ZNF518A: variants seen among roughly 807,000 people sequenced by gnomAD.
ZNF518A encodes the protein zinc finger protein 518A.
A neutral mutation model predicts 102.7 loss-of-function variants in ZNF518A; 47 were observed. That is an observed-to-expected ratio of 0.46 (90% confidence interval 0.36 to 0.58). The LOEUF (loss-of-function observed/expected upper bound fraction) is 0.58. Among genes scored for constraint, ZNF518A ranks in the 20% least tolerant of loss-of-function variants. ZNF518A has a pLI of 0.00. For missense variants in ZNF518A, 1,793 were observed against 1,699.8 expected, an observed-to-expected ratio of 1.05 and a Z score of -0.96; for synonymous variants, 652 against 594.6, an observed-to-expected ratio of 1.10 and a Z score of -1.40.
upstream of ZNF518A, chr10:96,129,960 C>T (rs2081236226): frequency 6.5e-6 from 1 of 152,724 alleles, no homozygotes; most frequent in Non-Finnish European, 1.5e-5. Context: ...AGCGCGGACC[C>T]TGCCGGCCTC....
chr10:96,150,434 C>T (rs2082379902), intron 3 of ZNF518A, among the ~76,000 whole-genome samples: 1 of 149,832 alleles, frequency 6.7e-6, no homozygotes, highest in African/African-American at 2.4e-5. Flanking sequence ...GATAGCATTT[C>T]ATTTTTATCT....
chr10:96,138,833 T>C (rs2081754969), intron 3 of ZNF518A, among the ~76,000 whole-genome samples: 1 of 152,082 alleles, frequency 6.6e-6, no homozygotes, highest in Non-Finnish European at 1.5e-5. Flanking sequence ...GCAACTTATA[T>C]TCCGGTGGTA....
At position 96,156,232 on chromosome 10, in the gene ZNF518A, A is replaced by T; in HGVS notation, c.-91A>T. The T allele has an allele frequency of 1.6e-6, 2 of 1,220,166 alleles. No homozygotes were observed. The highest frequency in any genetic ancestry group is 2.1e-5 in the South Asian group (1 of 46,822). 75.6% of individuals were successfully genotyped at this position (1,220,166 alleles called of 1,614,324 possible). A position where few individuals can be genotyped will look rare whatever the true frequency, so the allele number is the denominator to read the frequency against. ...GTGGGAAAAATCCTGTATATTGAAG[A>T]TGTCTCTACACAGTATCGTTTCCTG... On this transcript the variant is annotated 5_prime_UTR_variant, in exon 6 of 6. An upstream start codon of the reference 5' UTR is lost. Coordinates refer to ENST00000316045, the MANE Select transcript of ZNF518A (RefSeq NM_001330736.2).
chr10:96,142,266 G>A (rs782597643), intron 3 of ZNF518A, among the ~76,000 whole-genome samples: 6 of 151,316 alleles, frequency 4.0e-5, no homozygotes, highest in African/African-American at 1.2e-4. Context: ...TATTTTGAGG[G>A]CACTAAAATA....
chr10:96,160,085 T>A lies in ZNF518A; in HGVS notation c.3763T>A (p.Phe1255Ile), dbSNP rs1419981138. ...FNRKKTSKKI[F>I]SKTKTHGSKD... is the part of the protein sequence containing the mutation. ...TAGAAAAAAGACTTCCAAAAAAATT[T>A]TTTCAAAAACAAAAACTCATGGAAG... Residue 1255 changes from phenylalanine (F) to isoleucine (I), a missense_variant, in exon 6 of 6, where the codon TTT becomes ATT. Transcript: ENST00000316045. The A allele has an allele frequency of 1.9e-6, 3 of 1,608,206 alleles. No individual in the cohort carries two copies. Among genetic ancestry groups the A allele is most frequent in the Non-Finnish European group, 2.5e-6 (3 of 1,178,596 alleles).
downstream of ZNF518A, among the ~76,000 whole-genome samples, chr10:96,165,396 C>A (rs2083123481): frequency 6.6e-6 from 1 of 150,490 alleles, no homozygotes; most frequent in South Asian, 2.1e-4. Context: ...CATGAGCCAC[C>A]ATGCCCAGCC....
intron 3 of ZNF518A, among the ~76,000 whole-genome samples, chr10:96,142,942 G>A (rs1403601703): frequency 1.3e-5 from 2 of 151,982 alleles, no homozygotes; most frequent in Non-Finnish European, 2.9e-5. Flanking sequence ...GAGTAGCTGG[G>A]ATTACAGGCA....
intron 1 of ZNF518A, among the ~76,000 whole-genome samples, chr10:96,193,538 G>C (rs1391829398): frequency 2.0e-5 from 3 of 152,164 alleles, no homozygotes; most frequent in African/African-American, 7.2e-5. Flanking sequence ...ATTTGAAGTA[G>C]GGAATGAAGT....
chr10:96,160,628 A>G lies in ZNF518A; in HGVS notation c.4306A>G (p.Ile1436Val). The G allele has an allele frequency of 6.2e-7, 1 of 1,613,126 alleles. No homozygotes were observed. Residue 1436 changes from isoleucine to valine, a missense_variant, in exon 6 of 6, where the codon ATT becomes GTT. Physicochemically the swap from Ile to Val is conservative, Grantham distance 29 (BLOSUM62 3). Coordinates refer to ENST00000316045, the MANE Select transcript of ZNF518A (RefSeq NM_001330736.2). ...LKKTSKNNYQ[I>V]VKTTSENILK... ...AAAGACAAGCAAAAACAATTACCAG[A>G]TTGTGAAGACTACCTCTGAAAATAT...
In ZNF518A at chr10:96,158,462, T is replaced by C. The variant is rs71482397; in HGVS notation, c.2140T>C (p.Ser714Pro). The part of the protein sequence containing the change: ...NDKDGTLKAK[S>P]EIEEQYVLEK... ...TAAAGATGGAACTTTAAAAGCAAAA[T>C]CTGAAATTGAAGAACAGTATGTTTT... is the stretch of plus-strand genomic sequence containing the variant. Residue 714 changes from serine (S) to proline (P), a missense_variant, in exon 6 of 6, where the codon TCT (serine) becomes CCT (proline). Ser to Pro is a moderately conservative substitution (Grantham distance 74). Around this residue, in one of 3 missense-constraint regions of ZNF518A, gnomAD observed 1,741 missense variants for 1,622.6 expected, o/e 1.07. Transcript: ENST00000316045. 6.2e-3 allele frequency: 10,070 copies of C among 1,612,550 alleles called. 48 individuals carry two copies. The highest frequency in any genetic ancestry group is 7.4e-3 in the Non-Finnish European group (8,752 of 1,179,502).
rs1042169581 is a variant in ZNF518A at position 96,159,335 on chromosome 10, A to C, written c.3013A>C (p.Thr1005Pro). 6.2e-7 allele frequency: 1 copy of C among 1,613,588 alleles called. No homozygotes were observed. The highest frequency in any genetic ancestry group is 1.3e-5 in the African/African-American group (1 of 74,918). Residue 1005 changes from threonine to proline, a missense_variant, in exon 6 of 6, where the codon ACT (threonine) becomes CCT (proline). Coordinates refer to ENST00000316045, the MANE Select transcript of ZNF518A (RefSeq NM_001330736.2). ...GGGTGCCCCAGCTCGTGGAACTGTG[A>C]CTAAGGAGCCTTGCAAAACACCTAT... ...TEGAPARGTV[T>P]KEPCKTPILK...
downstream of ZNF518A, among the ~76,000 whole-genome samples, chr10:96,166,847 C>T (rs150235198): frequency 9.0e-4 from 137 of 152,324 alleles, no homozygotes; most frequent in African/African-American, 3.0e-3. Flanking sequence ...ACTGTGCATG[C>T]TGAAGGCTGC....
At position 96,157,139 on chromosome 10, in the gene ZNF518A, A is replaced by G; in HGVS notation, c.817A>G (p.Arg273Gly). Residue 273 changes from arginine to glycine, a missense_variant, in exon 6 of 6, where the codon AGG becomes GGG. Transcript: ENST00000316045. The stretch of plus-strand genomic sequence containing the variant: ...TCAATATTGTAGCTATGGTGCCACC[A>G]GGAGAGAACACCTTGTAAGACATGT... ...TCQYCSYGAT[R>G]REHLVRHVIT... The G allele has an allele frequency of 6.2e-7, 1 of 1,613,800 alleles. No homozygotes were observed. The highest frequency in any genetic ancestry group is 8.5e-7 in the Non-Finnish European group (1 of 1,179,770).
chr10:96,167,516 T>C (rs587754327), downstream of ZNF518A, among the ~76,000 whole-genome samples: 9 of 152,306 alleles, frequency 5.9e-5, no homozygotes, highest in African/African-American at 2.2e-4. Flanking sequence ...GAAAGTATTC[T>C]AATGTCTCAC....
chr10:96,131,696 G>A (rs2142204399), intron 1 of ZNF518A, among the ~76,000 whole-genome samples: 1 of 152,314 alleles, frequency 6.6e-6, no homozygotes, highest in Admixed American at 6.5e-5. Flanking sequence ...AAGGACAAAA[G>A]ACAGTAACCA....
rs1554883538 is a variant in ZNF518A, at chr10:96,157,524, G to T, written c.1202G>T (p.Gly401Val). The T allele has an allele frequency of 6.2e-7, 1 of 1,613,862 alleles. No individual in the cohort carries two copies. Among genetic ancestry groups the T allele is most frequent in the South Asian group, 1.1e-5 (1 of 91,074 alleles). ...EKPTPLSTGQ[G>V]NRAEEGPNAS... is the part of the protein sequence containing the mutation. Reference sequence around the variant, plus strand: ...CCAACTCCTCTGTCCACTGGGCAAGGTAATAGAGCTGAAGAGGGACCAAAC... The same window carrying T: ...CCAACTCCTCTGTCCACTGGGCAAGTTAATAGAGCTGAAGAGGGACCAAAC... Residue 401 changes from glycine (G) to valine (V), a missense_variant, in exon 6 of 6, where the codon GGT becomes GTT. Around this residue, in one of 3 missense-constraint regions of ZNF518A, gnomAD observed 1,741 missense variants for 1,622.6 expected, o/e 1.07. Coordinates refer to ENST00000316045, the MANE Select transcript of ZNF518A (RefSeq NM_001330736.2).
rs374456734 is a variant in ZNF518A at position 96,160,384 on chromosome 10, C to T, written c.4062C>T (p.Asp1354=). Residue 1354 remains aspartate, a synonymous_variant, in exon 6 of 6, where the codon GAC becomes GAT. Coordinates refer to ENST00000316045, the MANE Select transcript of ZNF518A (RefSeq NM_001330736.2). ...NQPVVVLNHP[D]ADAPEVVSVM... is the part of the protein sequence containing the mutation. ...CAGTTGTAGTTTTGAATCATCCTGA[C>T]GCAGATGCACCAGAAGTAGTAAGTG... is the stretch of plus-strand genomic sequence containing the variant. The T allele has an allele frequency of 2.1e-5, 34 of 1,613,280 alleles. No homozygotes were observed. The highest frequency in any genetic ancestry group is 5.5e-5 in the South Asian group (5 of 91,014).
chr10:96,148,903 G>C (rs1031422183), intron 3 of ZNF518A, among the ~76,000 whole-genome samples: 2 of 152,166 alleles, frequency 1.3e-5, no homozygotes, highest in Non-Finnish European at 2.9e-5. Flanking sequence ...TTTTAGTAAA[G>C]ACGGGGTTTC....
intron 1 of ZNF518A, 28 bp downstream of exon 1, chr10:96,130,780 AC>A (rs1161639661): frequency 6.6e-6 from 1 of 152,300 alleles, no homozygotes; most frequent in Non-Finnish European, 1.5e-5. Flanking sequence ...CCCTAACCAC[AC>A]CCAGTGGCAG....
Sources: gnomAD v4.1 joint callset for allele counts (sites outside exome capture counted in the v4.1 genomes callset) on GRCh38, gnomAD v4.1.1 for gene constraint, gnomAD v4.1.1 regional missense constraint, MANE v1.5 for transcripts, NCBI Gene and HGNC (gene_info 2026-07-23, HGNC 2026-07-21) for gene names.